TRPV1: variants seen among roughly 807,000 people sequenced by gnomAD.
The protein encoded by TRPV1 is transient receptor potential cation channel subfamily V member 1.
A neutral mutation model predicts 82.3 loss-of-function variants in TRPV1; 82 were observed. That is an observed-to-expected ratio of 1.00 (90% CI 0.83 to 1.20). The LOEUF (loss-of-function observed/expected upper bound fraction) is 1.20, where lower values mean the gene tolerates loss of function less well. Among genes scored for constraint, TRPV1 ranks in the 50% most tolerant of loss-of-function variants. The pLI is 0.00. For missense variants in TRPV1, 1,067 were observed against 1,096.8 expected (o/e 0.97, Z 0.38); for synonymous variants, 515 against 467.7 (o/e 1.10, Z -1.30).
chr17:3,574,567 C>T (rs767479058), intron 13 of TRPV1, among the ~76,000 whole-genome samples: 6 of 152,148 alleles, frequency 3.9e-5, no homozygotes, highest in Non-Finnish European at 5.9e-5. Flanking sequence ...CCAACGCAAA[C>T]GGCAGGGTGG....
rs1032314019 is a variant in TRPV1 at position 3,591,187 on chromosome 17, C to G, written c.451G>C (p.Asp151His). The part of the protein sequence containing the change: ...KKHLTDNEFK[D>H]PETGKTCLLK... Reference sequence around the variant, plus strand: ...TCCCCGAGCCCAGCGCTGGGGCCACCTTTGAACTCGTTGTCTGTGAGGTGC... The same window carrying G: ...TCCCCGAGCCCAGCGCTGGGGCCACGTTTGAACTCGTTGTCTGTGAGGTGC... Residue 151 changes from aspartate (D) to histidine (H), a missense_variant and splice_region_variant, in exon 4 of 17, where the codon GAC (aspartate) becomes CAC (histidine). Physicochemically the swap from Asp to His is moderately conservative, Grantham distance 81. Transcript: ENST00000572705. 6.2e-7 allele frequency: 1 copy of G among 1,609,258 alleles called. No individual in the cohort carries two copies. The highest frequency in any genetic ancestry group is 8.5e-7 in the Non-Finnish European group (1 of 1,178,008).
At chr17:3,582,773 C>G (rs894660436) in intron 10 of TRPV1, among the ~76,000 whole-genome samples, 1 of 151,912 alleles carries the variant, frequency 6.6e-6, no homozygotes, top group Non-Finnish European at 1.5e-5. Context: ...GCCTGGCCAA[C>G]ATGGTGAAAC....
intron 11 of TRPV1, chr17:3,578,204 A>C (rs905996999): frequency 3.2e-5 from 5 of 156,420 alleles, no homozygotes; most frequent in African/African-American, 1.2e-4. Context: ...GCTACTCAGG[A>C]GGCTGAGGCA....
chr17:3,569,000 A>T (rs2074811804), intron 16 of TRPV1, among the ~76,000 whole-genome samples: 1 of 152,178 alleles, frequency 6.6e-6, no homozygotes. Flanking sequence ...CATCATTCTC[A>T]GCAAACTATT....
chr17:3,590,433 T>C, intron 5 of TRPV1, 41 bp from the exon 6 acceptor site: 2 of 1,601,290 alleles, frequency 1.2e-6, no homozygotes, highest in South Asian at 1.1e-5. Flanking sequence ...GTCACGGTCC[T>C]GTGGGGCTGC....
At chr17:3,585,741 C>T (rs200095053) in intron 9 of TRPV1, 27 bp downstream of exon 9, 8 of 1,605,230 alleles carry the variant, frequency 5.0e-6, no homozygotes, top group Non-Finnish European at 6.8e-6. Context: ...ACACCCTCGC[C>T]CACGAGGCCT....
intron 5 of TRPV1, 42 bp downstream of exon 5, chr17:3,590,922 T>A: frequency 6.5e-7 from 1 of 1,530,160 alleles, no homozygotes; most frequent in Non-Finnish European, 8.8e-7. Flanking sequence ...TGCTTCCCGG[T>A]GCTGCGGGCT....
rs1236472821 is a variant in TRPV1 at position 3,588,317 on chromosome 17, G to A, written c.1095C>T (p.His365=). 6 of 1,569,664 alleles carry A rather than the reference G, an allele frequency of 3.8e-6. No homozygotes were observed. Among genetic ancestry groups the A allele is most frequent in the Admixed American group, 1.9e-5 (1 of 53,494 alleles). The stretch of plus-strand genomic sequence containing the variant: ...CCCACTCGGTGAACTTCCTGGACAG[G>A]TGCCTGCACTCGGGCTCCTGGATCT... ...QREIQEPECR[H]LSRKFTEWAY... Residue 365 remains histidine, a synonymous_variant, in exon 8 of 17, where the codon CAC becomes CAT. Transcript: ENST00000572705.
chr17:3,568,980 A>G (rs2074811606), intron 16 of TRPV1, among the ~76,000 whole-genome samples: 1 of 152,218 alleles, frequency 6.6e-6, no homozygotes, highest in Non-Finnish European at 1.5e-5. Flanking sequence ...ACATGGGTGA[A>G]GCTGGAAACC....
chr17:3,572,984 G>C (rs1416880133), intron 14 of TRPV1, among the ~76,000 whole-genome samples: 1 of 71,264 alleles, frequency 1.4e-5, no homozygotes, highest in Non-Finnish European at 2.6e-5. Context: ...CTCCATCTCA[G>C]AAAAAAAAAA....
intron 11 of TRPV1, chr17:3,578,222 C>T (rs1159404068): frequency 6.4e-6 from 1 of 155,256 alleles, no homozygotes; most frequent in Non-Finnish European, 1.4e-5. Flanking sequence ...GCAGGAGAAT[C>T]ACCTGAACCC....
intron 2 of TRPV1, among the ~76,000 whole-genome samples, chr17:3,593,118 GTGTGTGTGTGTGTGTGTGTC>G (rs1239994567): frequency 9.9e-5 from 10 of 100,844 alleles, no homozygotes; most frequent in African/African-American, 3.5e-4. Flanking sequence ...GTGTGTGTGT[GTGTGTGTGTGTGTGTGTGTC>G]TGTGTGTCTC....
At chr17:3,570,745 G>A (rs545651218) in intron 16 of TRPV1, among the ~76,000 whole-genome samples, 7 of 152,072 alleles carry the variant, frequency 4.6e-5, no homozygotes, top group African/African-American at 1.2e-4. Context: ...ACAGAGTCTC[G>A]TTCTGTTGCC....
At chr17:3,584,523 A>G (rs2075061022) in intron 9 of TRPV1, among the ~76,000 whole-genome samples, 1 of 150,752 alleles carries the variant, frequency 6.6e-6, no homozygotes, top group South Asian at 2.1e-4. Context: ...GCAGCCGGGC[A>G]CGGTGGCTCA....
rs1311786128 is a variant in TRPV1 at position 3,566,797 on chromosome 17, G to A, written c.*18C>T. The A allele has an allele frequency of 6.2e-7, 1 of 1,611,946 alleles. No individual in the cohort carries two copies. Among genetic ancestry groups the A allele is most frequent in the Non-Finnish European group, 8.5e-7 (1 of 1,179,084 alleles). ...TCTCCTAAGGCCCAGTGTTGACAGT[G>A]CTGTCTGCGTGACGTCCTCACTTCT... is the stretch of plus-strand genomic sequence containing the variant. On this transcript the variant is annotated 3_prime_UTR_variant, in exon 17 of 17. Transcript: ENST00000572705.
At position 3,566,961 on chromosome 17, in the gene TRPV1, C is replaced by A. The variant is rs746822571; in HGVS notation, c.2374G>T (p.Ala792Ser). 2 of 1,613,790 alleles carry A rather than the reference C, an allele frequency of 1.2e-6. No homozygotes were observed. The highest frequency in any genetic ancestry group is 1.3e-5 in the African/African-American group (1 of 74,896). ...GCCTCTCTTAAAAGGGGGACCAGGG[C>A]AAAGTTCTTCCAGTGTCTGCCTGAA... ...RVSGRHWKNFALVPLLREASA... is the reference protein window; with the variant it reads ...RVSGRHWKNFSLVPLLREASA... The change falls in exon 17 of 17, where the codon GCC becomes TCC. Residue 792 changes from alanine (A) to serine (S), a missense_variant. Transcript: ENST00000572705.
Position 3,592,197 on chromosome 17 carries a change from T to C in TRPV1, c.154A>G (p.Lys52Glu). 6.2e-7 allele frequency: 1 copy of C among 1,613,202 alleles called. No individual in the cohort carries two copies. Among genetic ancestry groups the C allele is most frequent in the Non-Finnish European group, 8.5e-7 (1 of 1,179,582 alleles). Residue 52 changes from lysine to glutamate, a missense_variant, in exon 3 of 17, where the codon AAG becomes GAG. Lys to Glu is a moderately conservative substitution (Grantham distance 56). Coordinates refer to ENST00000572705, the MANE Select transcript of TRPV1 (RefSeq NM_080704.4). Reference protein sequence around the residue: ...TAKSRTRLFGKGDSEEAFPVD... With the variant: ...TAKSRTRLFGEGDSEEAFPVD... Reference sequence around the variant, plus strand: ...GGGAAAGCCTCCTCCGAGTCACCCTTCCCAAAGAGCCGGGTGCGGCTCTTG... The same window carrying C: ...GGGAAAGCCTCCTCCGAGTCACCCTCCCCAAAGAGCCGGGTGCGGCTCTTG...
In TRPV1 at chr17:3,585,917, C is replaced by G; in HGVS notation, c.1234G>C (p.Asp412His). The G allele has an allele frequency of 6.2e-7, 1 of 1,613,816 alleles. No homozygotes were observed. The highest frequency in any genetic ancestry group is 8.5e-7 in the Non-Finnish European group (1 of 1,179,808). The change falls in exon 9 of 17, where the codon GAC becomes CAC. Residue 412 changes from aspartate (D) to histidine (H), a missense_variant. Coordinates refer to ENST00000572705, the MANE Select transcript of TRPV1 (RefSeq NM_080704.4). ...TTCAGCGGCTCCACCAAGAGCATGT[C>G]GTGGCGATTCTAGGGGGTGGGGAGA... Reference protein sequence around the residue: ...YSSSETPNRHDMLLVEPLNRL... With the variant: ...YSSSETPNRHHMLLVEPLNRL...
chr17:3,582,207 A>AAAAAAAAAAAAAAAAAAAAAAAAAAC (rs2075029942), intron 10 of TRPV1, among the ~76,000 whole-genome samples: 1 of 145,960 alleles, frequency 6.9e-6, no homozygotes. Flanking sequence ...AAAAAAAAAA[A>AAAAAAAAAAAAAAAAAAAAAAAAAAC]AAAAAAATCA....
Sources: gnomAD v4.1 joint callset for allele counts (sites outside exome capture counted in the v4.1 genomes callset) on GRCh38, gnomAD v4.1.1 for gene constraint, MANE v1.5 for transcripts, NCBI Gene and HGNC (gene_info 2026-07-23, HGNC 2026-07-21) for gene names.